Variants in ALK observed in about 807,000 individuals in gnomAD.
ALK encodes ALK receptor tyrosine kinase.
In ALK, 74 loss-of-function variants were observed where a neutral mutation model predicts 163.1. The ratio of observed to expected loss-of-function variants is 0.45; its 90% CI spans 0.38 to 0.55. The LOEUF (loss-of-function observed/expected upper bound fraction) is 0.55, where lower values mean the gene tolerates loss of function less well. Ranked by LOEUF, ALK falls within the 20% of genes least tolerant of loss-of-function variation. The probability of loss-of-function intolerance (pLI) is 0.00; values close to 1 mark genes in which losing one functional copy is unlikely to be tolerated. For synonymous variants in ALK, 960 were observed against 843.2 expected (o/e 1.14, Z -2.40); for missense variants, 2,063 against 2,105.3 (o/e 0.98, Z 0.39).
chr2:29,808,610 C>T (rs917164457), intron 1 of ALK, among the ~76,000 whole-genome samples: 26 of 152,228 alleles, frequency 1.7e-4, no homozygotes, highest in African/African-American at 5.5e-4. Flanking sequence ...CCTCTTCTCA[C>T]TGGCCCGTGC....
At chr2:29,622,214 T>G (rs1347979186) in intron 3 of ALK, among the ~76,000 whole-genome samples, 1 of 152,108 alleles carries the variant, frequency 6.6e-6, no homozygotes, top group Non-Finnish European at 1.5e-5. Flanking sequence ...AACTTACCAA[T>G]CAACCAACCA....
chr2:29,596,633 G>T (rs1183276825), intron 3 of ALK, among the ~76,000 whole-genome samples: 1 of 152,178 alleles, frequency 6.6e-6, no homozygotes, highest in Non-Finnish European at 1.5e-5. Context: ...GGCCTTGAGT[G>T]GCACTGAGGA....
At chr2:29,407,173 C>A (rs1669606117) in intron 4 of ALK, among the ~76,000 whole-genome samples, 1 of 152,206 alleles carries the variant, frequency 6.6e-6, no homozygotes, top group African/African-American at 2.4e-5. Flanking sequence ...ACTTTCTGAT[C>A]TGAAGCAGCT....
intron 6 of ALK, among the ~76,000 whole-genome samples, chr2:29,321,253 C>G (rs570070044): frequency 6.6e-6 from 1 of 152,314 alleles, no homozygotes; most frequent in South Asian, 2.1e-4. Flanking sequence ...TCTTCTGCTT[C>G]TAAATTCTGC....
At chr2:29,637,833 G>C (rs1676584440) in intron 3 of ALK, among the ~76,000 whole-genome samples, 1 of 151,902 alleles carries the variant, frequency 6.6e-6, no homozygotes, top group South Asian at 2.1e-4. Context: ...AGTGGAAATT[G>C]TGTAAAAAGG....
intron 3 of ALK, among the ~76,000 whole-genome samples, chr2:29,553,171 C>T (rs62131123): frequency 0.26 from 39,134 of 151,964 alleles, 5,344 homozygotes; most frequent in South Asian, 0.36. Context: ...TTTTGGGAAG[C>T]GATTTAGTCA....
At chr2:29,376,447 A>T (rs1668754657) in intron 5 of ALK, among the ~76,000 whole-genome samples, 1 of 152,232 alleles carries the variant, frequency 6.6e-6, no homozygotes, top group African/African-American at 2.4e-5. Context: ...TGTGAAGTAG[A>T]ATGGAAATGT....
intron 3 of ALK, among the ~76,000 whole-genome samples, chr2:29,680,676 T>C (rs1678037257): frequency 6.6e-6 from 1 of 152,160 alleles, no homozygotes; most frequent in African/African-American, 2.4e-5. Context: ...GGTTTTATTT[T>C]CTAAATCCAA....
chr2:29,498,788 C>A (rs182723554), intron 4 of ALK, among the ~76,000 whole-genome samples: 165 of 152,320 alleles, frequency 1.1e-3, no homozygotes, highest in East Asian at 9.8e-3. Flanking sequence ...CAAGGGCTTT[C>A]ACTTTTTCCT....
rs17008638 is a variant in ALK at position 29,763,956 on chromosome 2, C to T, written c.668-46259G>A. On this transcript the variant is annotated intron_variant, in intron 1 of 28. Transcript: ENST00000389048. ...ATCTTTGAAACTCCCTCTCGTAACA[C>T]CCTGTTTATTCTGCTCTCACAGCCA... 3.5e-3 allele frequency among the ~76,000 whole-genome samples: 526 copies of T among 152,272 alleles called. 2 individuals are homozygous for T. Among genetic ancestry groups the T allele is most frequent in the African/African-American group, 0.012 (505 of 41,560 alleles).
At chr2:29,622,285 T>A (rs1488795255) in intron 3 of ALK, among the ~76,000 whole-genome samples, 1 of 152,062 alleles carries the variant, frequency 6.6e-6, no homozygotes, top group Non-Finnish European at 1.5e-5. Context: ...TATCCGAGAC[T>A]GGGAAGAAAA....
intron 3 of ALK, among the ~76,000 whole-genome samples, chr2:29,653,184 C>T (rs1181238107): frequency 6.6e-6 from 1 of 152,140 alleles, no homozygotes; most frequent in Non-Finnish European, 1.5e-5. Flanking sequence ...GGAAAATCTC[C>T]ATACATGTGG....
chr2:29,480,106 AAC>A (rs1671626226), intron 4 of ALK, among the ~76,000 whole-genome samples: 1 of 152,210 alleles, frequency 6.6e-6, no homozygotes, highest in Non-Finnish European at 1.5e-5. Flanking sequence ...TGGAGTGAAA[AAC>A]ACAAGTTGCA....
intron 3 of ALK, among the ~76,000 whole-genome samples, chr2:29,661,600 T>G (rs1158588476): frequency 6.6e-6 from 1 of 152,222 alleles, no homozygotes; most frequent in African/African-American, 2.4e-5. Flanking sequence ...CACATCATTC[T>G]CATAAAAATC....
At chr2:29,802,588 A>AGGG (rs1664512472) in intron 1 of ALK, among the ~76,000 whole-genome samples, 1 of 14,198 alleles carries the variant, frequency 7.0e-5, no homozygotes, top group Non-Finnish European at 2.0e-4. Flanking sequence ...GGAGGGGAAG[A>AGGG]GAGGGGAGGG....
intron 1 of ALK, among the ~76,000 whole-genome samples, chr2:29,869,813 T>A (rs1666531252): frequency 6.6e-6 from 1 of 152,142 alleles, no homozygotes; most frequent in African/African-American, 2.4e-5. Context: ...CCACAAAGAT[T>A]ATAAGCAAAG....
intron 11 of ALK, among the ~76,000 whole-genome samples, chr2:29,256,575 C>T (rs1664953877): frequency 6.6e-6 from 1 of 151,562 alleles, no homozygotes; most frequent in East Asian, 1.9e-4. Flanking sequence ...AGGGGCTCAG[C>T]TCCCCAGGAA....
chr2:29,512,735 A>G (rs1226954890), intron 4 of ALK, among the ~76,000 whole-genome samples: 11 of 149,592 alleles, frequency 7.4e-5, no homozygotes, highest in Non-Finnish European at 1.0e-4. Context: ...ACATGATTGT[A>G]TATCTAGAAA....
At chr2:29,523,059 T>C (rs1672855982) in intron 4 of ALK, among the ~76,000 whole-genome samples, 1 of 152,048 alleles carries the variant, frequency 6.6e-6, no homozygotes, top group African/African-American at 2.4e-5. Context: ...TCTTGCTACA[T>C]AAGCCAGTGG....
Sources: allele counts gnomAD v4.1 joint callset (sites outside exome capture counted in the v4.1 genomes callset), GRCh38; gene constraint gnomAD v4.1.1; transcripts MANE v1.5; gene names NCBI Gene and HGNC (gene_info 2026-07-23, HGNC 2026-07-21).